Variants in TLR8 observed in about 807,000 individuals in gnomAD.
TLR8 encodes toll like receptor 8.
Under a neutral mutation model 18.5 loss-of-function variants are expected in TLR8, and 5 were observed. That is an observed-to-expected ratio of 0.27 (90% confidence interval 0.14 to 0.57). The LOEUF (loss-of-function observed/expected upper bound fraction) is 0.57. Ranked by LOEUF, TLR8 falls within the 20% of genes least tolerant of loss-of-function variation. The pLI is 0.92. For missense variants in TLR8, 543 were observed against 769.8 expected (o/e 0.71, Z 3.49); for synonymous variants, 299 against 300.1 (o/e 1.00, Z 0.04).
chrX:12,914,695 C>A (rs1020362936), intron 1 of TLR8, among the ~76,000 whole-genome samples: 7 of 111,274 alleles, frequency 6.3e-5, no homozygotes, highest in Non-Finnish European at 1.3e-4. Flanking sequence ...TGAACGCGTT[C>A]TTTTCTATCT....
At chrX:12,909,803 C>G (rs2043008517) in intron 1 of TLR8, among the ~76,000 whole-genome samples, 1 of 112,001 alleles carries the variant, frequency 8.9e-6, no homozygotes, top group South Asian at 3.7e-4. Context: ...ACATTCATCT[C>G]TCTGAGCCTC....
chrX:12,916,247 C>A (rs2043054895), intron 1 of TLR8, among the ~76,000 whole-genome samples: 1 of 111,807 alleles, frequency 8.9e-6, no homozygotes, highest in Non-Finnish European at 1.9e-5. Context: ...CAGTGTAAAC[C>A]TTGTAATGTT....
intron 1 of TLR8, among the ~76,000 whole-genome samples, chrX:12,912,518 C>T (rs1029811094): frequency 1.8e-5 from 2 of 113,672 alleles, no homozygotes; most frequent in Non-Finnish European, 3.7e-5. Flanking sequence ...CATTAGCAAT[C>T]CATTCCAACT....
At position 12,915,729 on chromosome X, in the gene TLR8, G is replaced by C. The variant is rs193131573; in HGVS notation, c.4-3315G>C. Among the ~76,000 whole-genome samples, 599 of 112,366 alleles carry C rather than the reference G, an allele frequency of 5.3e-3. 4 individuals are homozygous for C. The highest frequency in any genetic ancestry group is 0.018 in the African/African-American group (569 of 30,962). On this transcript the variant is annotated intron_variant, in intron 1 of 1. Coordinates refer to ENST00000218032, the MANE Select transcript of TLR8 (RefSeq NM_138636.5). Reference sequence around the variant, plus strand: ...TATCTCTCTGAATTCCTGTCCCAGGGCTTCTCTGGAGGTACAGCCTGGGAA... The same window carrying C: ...TATCTCTCTGAATTCCTGTCCCAGGCCTTCTCTGGAGGTACAGCCTGGGAA...
intron 1 of TLR8, chrX:12,908,102 A>AAGCC (rs1355756088): frequency 3.7e-4 from 41 of 110,972 alleles, no homozygotes; most frequent in African/African-American, 1.3e-3. Flanking sequence ...GCACTTTGGG[A>AAGCC]AGCCGACGTG....
rs1483290435 is a variant in TLR8 at position 12,918,795 on chromosome X, A to G, written c.4-249A>G. On this transcript the variant is annotated intron_variant, in intron 1 of 1. Coordinates refer to ENST00000218032, the MANE Select transcript of TLR8 (RefSeq NM_138636.5). The stretch of plus-strand genomic sequence containing the variant: ...AACCATCTTTCCACCTCGGCCTCCC[A>G]AAATGTTGGGATTACAGGTGTGAGC... 4.5e-5 allele frequency among the ~76,000 whole-genome samples: 5 copies of G among 111,876 alleles called. No individual in the cohort carries two copies. The East Asian group carries it at 1.4e-3, about 31-fold the overall frequency.
At chrX:12,912,911 T>C (rs1245998826) in intron 1 of TLR8, among the ~76,000 whole-genome samples, 2 of 111,581 alleles carry the variant, frequency 1.8e-5, no homozygotes, top group African/African-American at 3.3e-5. Context: ...TTGTATGAAA[T>C]AGAATTGGAT....
chrX:12,914,504 A>G (rs767865465), intron 1 of TLR8, among the ~76,000 whole-genome samples: 33 of 111,157 alleles, frequency 3.0e-4, no homozygotes, highest in Non-Finnish European at 5.3e-4. Context: ...AACCTGTCAA[A>G]TTTAATTACT....
At position 12,919,637 on chromosome X, in the gene TLR8, G is replaced by C. The variant is rs148046494; in HGVS notation, c.597G>C (p.Thr199=). Residue 199 remains threonine (T), a synonymous_variant, in exon 2 of 2, where the codon ACG becomes ACC. Coordinates refer to ENST00000218032, the MANE Select transcript of TLR8 (RefSeq NM_138636.5). ...KTNIEDGVFE[T]LTNLELLSLS... is the part of the protein sequence containing the mutation. The stretch of plus-strand genomic sequence containing the variant: ...ACATAGAAGATGGAGTATTTGAAAC[G>C]CTGACAAATTTGGAGTTGCTATCAC... 6.2e-5 allele frequency: 75 copies of C among 1,209,781 alleles called. No homozygotes were observed. Among genetic ancestry groups the C allele is most frequent in the Middle Eastern group, 2.3e-4 (1 of 4,373 alleles).
Position 12,922,292 on chromosome X carries a change from G to T in TLR8, c.*126G>T. 1 of 941,050 alleles carries T rather than the reference G, an allele frequency of 1.1e-6. No individual in the cohort carries two copies. Among genetic ancestry groups the T allele is most frequent in the Non-Finnish European group, 1.4e-6 (1 of 697,050 alleles). The allele number at this position is 941,050 out of a possible 1,213,427, so 77.6% of individuals were successfully genotyped here. A position where few individuals can be genotyped will look rare whatever the true frequency, so the allele number is the denominator to read the frequency against. ...GTGGTTTAAAACAACACATTTGCTG[G>T]CCCACAGTTTTTGAGGGTCAGGAGT... On this transcript the variant is annotated 3_prime_UTR_variant, in exon 2 of 2. Coordinates refer to ENST00000218032, the MANE Select transcript of TLR8 (RefSeq NM_138636.5).
chrX:12,915,943 G>A (rs2043052260), intron 1 of TLR8, among the ~76,000 whole-genome samples: 1 of 109,671 alleles, frequency 9.1e-6, no homozygotes, highest in South Asian at 3.9e-4. Context: ...GTGCAATGGT[G>A]TGATCCTGGC....
At chrX:12,914,214 A>T (rs957416238) in intron 1 of TLR8, among the ~76,000 whole-genome samples, 5 of 111,781 alleles carry the variant, frequency 4.5e-5, no homozygotes, top group Non-Finnish European at 9.4e-5. Flanking sequence ...ATGTGGGTCT[A>T]CACCTCACAT....
At chrX:12,912,118 T>C (rs113893494) in intron 1 of TLR8, among the ~76,000 whole-genome samples, 1 of 102,763 alleles carries the variant, frequency 9.7e-6, no homozygotes. Context: ...ATTTTTTTTT[T>C]CCTCTATTTT....
At chrX:12,914,101 C>G (rs1408278722) in intron 1 of TLR8, among the ~76,000 whole-genome samples, 1 of 111,202 alleles carries the variant, frequency 9.0e-6, no homozygotes, top group Non-Finnish European at 1.9e-5. Flanking sequence ...ATCCAAATAA[C>G]AGAAGAGTTA....
In TLR8 at chrX:12,922,104, G is replaced by C; in HGVS notation, c.3064G>C (p.Val1022Leu). ...GLFWQTLRNVVLTENDSRYNN... is the reference protein window; with the variant it reads ...GLFWQTLRNVLLTENDSRYNN... Reference sequence around the variant, plus strand: ...GTTTTGGCAAACTCTGAGAAATGTGGTCTTGACTGAAAATGATTCACGGTA... The same window carrying C: ...GTTTTGGCAAACTCTGAGAAATGTGCTCTTGACTGAAAATGATTCACGGTA... The change falls in exon 2 of 2, where the codon GTC becomes CTC. Residue 1022 changes from valine (V) to leucine (L), a missense_variant. Val to Leu is a conservative substitution (Grantham distance 32). This residue lies in a region of TLR8 where 227 missense variants were observed against 312.9 expected (regional missense o/e 0.73). Transcript: ENST00000218032. 1 of 1,210,817 alleles carries C rather than the reference G, an allele frequency of 8.3e-7. No individual in the cohort carries two copies. The highest frequency in any genetic ancestry group is 1.1e-6 in the Non-Finnish European group (1 of 895,031).
At chrX:12,908,717 G>T (rs753688509) in intron 1 of TLR8, among the ~76,000 whole-genome samples, 11 of 112,433 alleles carry the variant, frequency 9.8e-5, no homozygotes, top group Non-Finnish European at 1.7e-4. Context: ...TTTTTTAGGT[G>T]GCTAGAAATG....
chrX:12,919,519 A>G lies in TLR8; in HGVS notation c.479A>G (p.Asn160Ser), dbSNP rs762362421. ...AGTCTAATTCAAAACAATATATACA[A>G]CATAACTAAAGAGGGCATTTCAAGA... ...ELSLIQNNIY[N>S]ITKEGISRLI... The change falls in exon 2 of 2, where the codon AAC becomes AGC. Residue 160 changes from asparagine to serine, a missense_variant. Physicochemically the swap from Asn to Ser is conservative, Grantham distance 46 (BLOSUM62 1). This residue lies in a region of TLR8 where 185 missense variants were observed against 298.9 expected (regional missense o/e 0.62). Transcript: ENST00000218032. 1.7e-6 allele frequency: 2 copies of G among 1,205,636 alleles called. No individual in the cohort carries two copies. Among genetic ancestry groups the G allele is most frequent in the Admixed American group, 2.2e-5 (1 of 44,947 alleles).
Position 12,920,574 on chromosome X carries a change from C to A in TLR8, c.1534C>A (p.Leu512Met). Reference protein sequence around the residue: ...ENLPDIACLNLSANSNAQVLS... With the variant: ...ENLPDIACLNMSANSNAQVLS... ...TCTTCCTGACATTGCCTGTTTAAATCTGTCTGCAAATAGCAATGCTCAAGT... is the reference window on the plus strand; with the variant it reads ...TCTTCCTGACATTGCCTGTTTAAATATGTCTGCAAATAGCAATGCTCAAGT... Residue 512 changes from leucine to methionine, a missense_variant, in exon 2 of 2, where the codon CTG becomes ATG. Physicochemically the swap from Leu to Met is conservative, Grantham distance 15. Transcript: ENST00000218032. 8.3e-7 allele frequency: 1 copy of A among 1,210,890 alleles called. No homozygotes were observed. Among genetic ancestry groups the A allele is most frequent in the African/African-American group, 1.7e-5 (1 of 57,898 alleles).
chrX:12,910,270 C>G (rs965203583), intron 1 of TLR8: 29 of 1,096,438 alleles, frequency 2.6e-5, no homozygotes, highest in Admixed American at 3.5e-5. Context: ...CTAAGTAATT[C>G]AACTGAGGAG....
Sources: allele counts gnomAD v4.1 joint callset (sites outside exome capture counted in the v4.1 genomes callset), GRCh38; gene constraint gnomAD v4.1.1; regional missense constraint gnomAD v4.1.1; transcripts MANE v1.5; gene names NCBI Gene and HGNC (gene_info 2026-07-23, HGNC 2026-07-21).